The following DPP10 variants were observed in gnomAD, a reference collection of about 807,000 sequenced individuals.
The protein encoded by DPP10 is inactive dipeptidyl peptidase 10.
A neutral mutation model predicts 120.9 loss-of-function variants in DPP10; 33 were observed. The ratio of observed to expected loss-of-function variants is 0.27; its 90% CI spans 0.21 to 0.37. DPP10 has a LOEUF of 0.37. DPP10 is among the 10% of genes least tolerant of loss of function. The pLI, the probability that DPP10 is intolerant of heterozygous loss-of-function variation, is 1.00. For missense variants in DPP10, 816 were observed against 942.8 expected, an observed-to-expected ratio of 0.87 and a Z score of 1.76; for synonymous variants, 337 against 326.1, an observed-to-expected ratio of 1.03 and a Z score of -0.36.
At chr2:115,230,701 A>G (rs1049471874) in intron 1 of DPP10, among the ~76,000 whole-genome samples, 15 of 152,058 alleles carry the variant, frequency 9.9e-5, no homozygotes, top group African/African-American at 3.6e-4. Context: ...GAGATATGTT[A>G]ATGATTTATT....
chr2:114,644,417 C>T (rs1383229597), intron 1 of DPP10, among the ~76,000 whole-genome samples: 2 of 151,536 alleles, frequency 1.3e-5, no homozygotes, highest in Non-Finnish European at 2.9e-5. Flanking sequence ...CACATATCCA[C>T]ATATCTTTCT....
intron 1 of DPP10, among the ~76,000 whole-genome samples, chr2:114,736,682 A>G (rs1262894481): frequency 6.6e-6 from 1 of 152,172 alleles, no homozygotes; most frequent in Admixed American, 6.5e-5. Flanking sequence ...GGTTTGAATG[A>G]TTTTCAAAGA....
chr2:115,453,217 C>T (rs528482526), intron 3 of DPP10, among the ~76,000 whole-genome samples: 20 of 151,436 alleles, frequency 1.3e-4, no homozygotes, highest in Non-Finnish European at 2.8e-4. Context: ...GGACTACTTA[C>T]ATTTTAACTC....
At chr2:115,341,965 G>T (rs1418168952) in intron 2 of DPP10, among the ~76,000 whole-genome samples, 1 of 152,150 alleles carries the variant, frequency 6.6e-6, no homozygotes, top group Non-Finnish European at 1.5e-5. Flanking sequence ...ATACAAAGGA[G>T]CCTGATTACT....
At chr2:115,104,931 A>G (rs936252539) in intron 1 of DPP10, among the ~76,000 whole-genome samples, 4 of 152,072 alleles carry the variant, frequency 2.6e-5, no homozygotes, top group African/African-American at 7.2e-5. Flanking sequence ...GCTTGAACCC[A>G]GGAGCCAGAG....
intron 8 of DPP10, among the ~76,000 whole-genome samples, chr2:115,729,881 GA>G (rs2092859981): frequency 6.6e-6 from 1 of 152,098 alleles, no homozygotes; most frequent in South Asian, 2.1e-4. Context: ...AAGAAATTAG[GA>G]AGGAAAAATC....
intron 1 of DPP10, among the ~76,000 whole-genome samples, chr2:115,248,079 T>G (rs575722356): frequency 5.3e-5 from 8 of 152,176 alleles, no homozygotes; most frequent in Admixed American, 3.9e-4. Flanking sequence ...GAAATATGCC[T>G]CCCTCAAAGG....
At chr2:114,809,089 A>G (rs1209614019) in intron 1 of DPP10, among the ~76,000 whole-genome samples, 1 of 151,998 alleles carries the variant, frequency 6.6e-6, no homozygotes, top group Non-Finnish European at 1.5e-5. Context: ...TATGTTTTTT[A>G]TTCTTCTTAT....
At chr2:115,065,840 T>C (rs1706794092) in intron 1 of DPP10, among the ~76,000 whole-genome samples, 2 of 152,190 alleles carry the variant, frequency 1.3e-5, no homozygotes, top group South Asian at 4.1e-4. Flanking sequence ...TAGTTTTTAT[T>C]GAAACACGCA....
At chr2:114,522,698 A>G (rs1453674413) in intron 1 of DPP10, among the ~76,000 whole-genome samples, 2 of 152,334 alleles carry the variant, frequency 1.3e-5, no homozygotes, top group Admixed American at 6.5e-5. Context: ...TGATAAAGAC[A>G]TAACAGACTG....
At chr2:115,750,242 T>A (rs1222023877) in intron 10 of DPP10, 2 of 978,044 alleles carry the variant, frequency 2.0e-6, no homozygotes, top group South Asian at 4.7e-5. Context: ...TGAATACTTA[T>A]GAGTAAGCAA....
chr2:115,110,966 A>G (rs1241594653), intron 1 of DPP10, among the ~76,000 whole-genome samples: 1 of 152,138 alleles, frequency 6.6e-6, no homozygotes, highest in Non-Finnish European at 1.5e-5. Context: ...TAGCTTTACT[A>G]TAGGTTGATT....
rs141309791 is a variant in DPP10, at chr2:114,449,945, A to G, written c.60+7107A>G. ...TAACATCTGCAAGATTTCATCATGA[A>G]CCTTTACCAGGGAGGTAGGGGAAGA... On this transcript the variant is annotated intron_variant, in intron 1 of 25. Transcript: ENST00000410059. Among the ~76,000 whole-genome samples, 689 of 152,216 alleles carry G rather than the reference A, an allele frequency of 4.5e-3. 4 individuals are homozygous for G. The highest frequency in any genetic ancestry group is 0.016 in the African/African-American group (648 of 41,548).
chr2:115,662,390 G>C (rs1224718249), intron 5 of DPP10, among the ~76,000 whole-genome samples: 1 of 151,596 alleles, frequency 6.6e-6, no homozygotes, highest in Non-Finnish European at 1.5e-5. Flanking sequence ...CAAGAATCAA[G>C]GTTGTTGTAT....
intron 2 of DPP10, among the ~76,000 whole-genome samples, chr2:115,338,019 TC>T (rs1251728562): frequency 1.3e-5 from 2 of 151,982 alleles, no homozygotes; most frequent in Non-Finnish European, 2.9e-5. Flanking sequence ...TAGAATAAGT[TC>T]CAGGGGCAAT....
intron 5 of DPP10, among the ~76,000 whole-genome samples, chr2:115,637,589 A>G (rs1227177055): frequency 6.6e-6 from 1 of 152,216 alleles, no homozygotes; most frequent in Non-Finnish European, 1.5e-5. Flanking sequence ...GAGCATTTCC[A>G]AGACCACAAA....
chr2:115,285,241 T>C (rs2060317805), intron 1 of DPP10, among the ~76,000 whole-genome samples: 1 of 152,084 alleles, frequency 6.6e-6, no homozygotes, highest in African/African-American at 2.4e-5. Context: ...TCACATTACC[T>C]AGGCAGCTTT....
intron 1 of DPP10, among the ~76,000 whole-genome samples, chr2:114,755,055 G>A (rs561274830): frequency 6.6e-6 from 1 of 152,292 alleles, no homozygotes; most frequent in South Asian, 2.1e-4. Flanking sequence ...TTTGAGTTGA[G>A]TAAGATCATA....
chr2:115,629,957 T>C (rs2085703236), intron 5 of DPP10, among the ~76,000 whole-genome samples: 1 of 152,200 alleles, frequency 6.6e-6, no homozygotes, highest in South Asian at 2.1e-4. Flanking sequence ...GGTAGTTTAA[T>C]GGGAGGGAAT....
Sources: gnomAD v4.1 joint callset for allele counts (sites outside exome capture counted in the v4.1 genomes callset) on GRCh38, gnomAD v4.1.1 for gene constraint, MANE v1.5 for transcripts, NCBI Gene and HGNC (gene_info 2026-07-23, HGNC 2026-07-21) for gene names.